Variants in LRRIQ3 observed in about 807,000 individuals in gnomAD.
The protein encoded by LRRIQ3 is leucine rich repeats and IQ motif containing 3.
In LRRIQ3, 75 loss-of-function variants were observed where a neutral mutation model predicts 59.3. The observed-to-expected ratio is 1.26, with a 90% CI of 1.05 to 1.53. LRRIQ3 has a LOEUF of 1.53. LRRIQ3 is among the 40% of genes most tolerant of loss of function. The pLI is 0.00. For synonymous variants in LRRIQ3, 250 were observed against 231.3 expected (o/e 1.08, Z -0.73); for missense variants, 831 against 710.0 (o/e 1.17, Z -1.94).
intron 3 of LRRIQ3, among the ~76,000 whole-genome samples, chr1:74,176,138 T>A (rs1195988525): frequency 6.6e-6 from 1 of 152,134 alleles, no homozygotes; most frequent in Non-Finnish European, 1.5e-5. Context: ...GCTATTATTT[T>A]AGGGGAGGTA....
intron 3 of LRRIQ3, among the ~76,000 whole-genome samples, chr1:74,163,547 A>G (rs1400606017): frequency 6.6e-6 from 1 of 151,684 alleles, no homozygotes; most frequent in Non-Finnish European, 1.5e-5. Flanking sequence ...AAGTAGCATT[A>G]TTCTATGGAC....
intron 6 of LRRIQ3, among the ~76,000 whole-genome samples, chr1:74,062,572 C>A (rs1372839014): frequency 1.3e-5 from 2 of 151,974 alleles, no homozygotes; most frequent in Non-Finnish European, 2.9e-5. Context: ...GTAGCAAAGA[C>A]ACAGAATCAA....
At chr1:74,142,462 G>A (rs1186172801) in intron 4 of LRRIQ3, among the ~76,000 whole-genome samples, 1 of 151,864 alleles carries the variant, frequency 6.6e-6, no homozygotes, top group African/African-American at 2.4e-5. Flanking sequence ...CTTCAACCAA[G>A]GAAATACTAC....
At chr1:74,138,808 A>G (rs1477372556) in intron 4 of LRRIQ3, among the ~76,000 whole-genome samples, 1 of 151,824 alleles carries the variant, frequency 6.6e-6, no homozygotes, top group East Asian at 1.9e-4. Flanking sequence ...TTACATATGA[A>G]ATTCAATTAT....
At chr1:74,126,801 G>T (rs1275865170) in intron 4 of LRRIQ3, among the ~76,000 whole-genome samples, 1 of 151,900 alleles carries the variant, frequency 6.6e-6, no homozygotes, top group Non-Finnish European at 1.5e-5. Flanking sequence ...TCTATGTGCT[G>T]AGAAGAAGCA....
At chr1:74,080,881 G>A (rs1646266777) in intron 5 of LRRIQ3, among the ~76,000 whole-genome samples, 1 of 151,574 alleles carries the variant, frequency 6.6e-6, no homozygotes. Flanking sequence ...TGTCCTCAAA[G>A]TGGGTAAACT....
At chr1:74,157,258 C>T (rs1362338141) in intron 3 of LRRIQ3, among the ~76,000 whole-genome samples, 1 of 150,242 alleles carries the variant, frequency 6.7e-6, no homozygotes, top group African/African-American at 2.4e-5. Context: ...CATCAATTAA[C>T]TCCCCTCCAT....
chr1:74,117,679 T>C (rs1235869849), intron 4 of LRRIQ3, among the ~76,000 whole-genome samples: 2 of 152,042 alleles, frequency 1.3e-5, no homozygotes, highest in Non-Finnish European at 2.9e-5. Context: ...GGCAGGAGAA[T>C]CACTTAAACT....
intron 3 of LRRIQ3, among the ~76,000 whole-genome samples, chr1:74,173,051 C>G (rs1026861301): frequency 2.0e-5 from 3 of 152,030 alleles, no homozygotes; most frequent in Admixed American, 2.0e-4. Context: ...CCTGTAATCC[C>G]AGCACTTTGG....
At chr1:74,061,687 C>T (rs1654725583) in intron 6 of LRRIQ3, among the ~76,000 whole-genome samples, 1 of 152,036 alleles carries the variant, frequency 6.6e-6, no homozygotes, top group Non-Finnish European at 1.5e-5. Flanking sequence ...GGACATGGGA[C>T]CAGGCAAAGA....
chr1:74,049,549 GA>G (rs769394340), intron 6 of LRRIQ3, among the ~76,000 whole-genome samples: 1 of 152,032 alleles, frequency 6.6e-6, no homozygotes, highest in South Asian at 2.1e-4. Flanking sequence ...AAGTGAGAAA[GA>G]AAAAAATCAA....
intron 6 of LRRIQ3, among the ~76,000 whole-genome samples, chr1:74,050,905 T>G (rs371546809): frequency 1.3e-5 from 2 of 152,218 alleles, no homozygotes; most frequent in South Asian, 2.1e-4. Flanking sequence ...CAATGAAGTC[T>G]CTCCCATTAC....
At chr1:74,074,904 A>C (rs1013094378) in intron 5 of LRRIQ3, 114 bp from the exon 6 acceptor site, 1 of 518,626 alleles carries the variant, frequency 1.9e-6, no homozygotes, top group African/African-American at 2.0e-5. Context: ...TAAAACATGA[A>C]AACAAAAACC....
intron 3 of LRRIQ3, among the ~76,000 whole-genome samples, chr1:74,170,496 G>A (rs1487821387): frequency 1.3e-5 from 2 of 151,982 alleles, no homozygotes; most frequent in Admixed American, 1.3e-4. Context: ...TTTATTTCTA[G>A]GTTCTGTATT....
chr1:74,078,339 G>C (rs1210278842), intron 5 of LRRIQ3, among the ~76,000 whole-genome samples: 1 of 151,742 alleles, frequency 6.6e-6, no homozygotes, highest in Non-Finnish European at 1.5e-5. Context: ...TAAAAGAAAT[G>C]CTTGCTACCT....
chr1:74,067,519 A>T (rs1184360047), intron 6 of LRRIQ3, among the ~76,000 whole-genome samples: 1 of 152,164 alleles, frequency 6.6e-6, no homozygotes, highest in South Asian at 2.1e-4. Flanking sequence ...TTGAATGCTC[A>T]AAGGTATTTT....
In LRRIQ3 at chr1:74,026,847, A is replaced by G. The variant is rs1653529500; in HGVS notation, c.1841T>C (p.Leu614Ser). 2 of 1,608,420 alleles carry G rather than the reference A, an allele frequency of 1.2e-6. No homozygotes were observed. Among genetic ancestry groups the G allele is most frequent in the Non-Finnish European group, 1.7e-6 (2 of 1,177,600 alleles). Residue 614 changes from leucine (L) to serine (S), a missense_variant, in exon 8 of 8, where the codon TTA becomes TCA. Leu to Ser is a moderately radical substitution (Grantham distance 145). Transcript: ENST00000354431. ...CAGTCCATTGGGAACTTTAAAGTCT[A>G]AATTTGTTTTCACAATTGCTACTTT... ...KTKVAIVKTN[L>S]DFKVPNGLIK
chr1:74,168,975 A>T (rs1361966019), intron 3 of LRRIQ3, among the ~76,000 whole-genome samples: 1 of 152,166 alleles, frequency 6.6e-6, no homozygotes, highest in African/African-American at 2.4e-5. Flanking sequence ...TTAAGTTTAC[A>T]ATACATTATT....
chr1:74,184,048 G>A (rs924576165), intron 1 of LRRIQ3, among the ~76,000 whole-genome samples: 1 of 151,980 alleles, frequency 6.6e-6, no homozygotes, highest in African/African-American at 2.4e-5. Flanking sequence ...TAACTCGTAT[G>A]ATAATTTTTG....
Sources: allele counts gnomAD v4.1 joint callset (sites outside exome capture counted in the v4.1 genomes callset), GRCh38; gene constraint gnomAD v4.1.1; transcripts MANE v1.5; gene names NCBI Gene and HGNC (gene_info 2026-07-23, HGNC 2026-07-21).